ZNF385B: variants seen among roughly 807,000 people sequenced by gnomAD.
ZNF385B encodes the protein zinc finger protein 533.
ZNF385B carries 23 observed loss-of-function variants against 39.2 expected under a neutral mutation model. The ratio of observed to expected loss-of-function variants is 0.59; its 90% confidence interval spans 0.42 to 0.83. The LOEUF (loss-of-function observed/expected upper bound fraction) is 0.83. ZNF385B is among the 40% of genes least tolerant of loss of function. The pLI is 0.00. For synonymous variants in ZNF385B, 205 were observed against 222.6 expected, an observed-to-expected ratio of 0.92 and a Z score of 0.70; for missense variants, 552 against 598.9, an observed-to-expected ratio of 0.92 and a Z score of 0.82.
intron 4 of ZNF385B, among the ~76,000 whole-genome samples, chr2:179,536,880 T>A (rs1284557366): frequency 6.6e-6 from 1 of 152,174 alleles, no homozygotes; most frequent in African/African-American, 2.4e-5. Context: ...AAATAACATC[T>A]GCATACTCTA....
intron 5 of ZNF385B, among the ~76,000 whole-genome samples, chr2:179,514,747 A>G (rs1244233797): frequency 1.3e-5 from 2 of 151,168 alleles, no homozygotes; most frequent in Non-Finnish European, 2.9e-5. Flanking sequence ...TGGGAAGATG[A>G]GGAAAGGGAT....
At chr2:179,696,917 T>C (rs1698810378) in intron 3 of ZNF385B, among the ~76,000 whole-genome samples, 1 of 152,116 alleles carries the variant, frequency 6.6e-6, no homozygotes, top group Non-Finnish European at 1.5e-5. Flanking sequence ...GGGACAACAA[T>C]AGTCGAACCA....
chr2:179,442,433 T>C lies in ZNF385B; in HGVS notation c.*817A>G, dbSNP rs2049055307. The C allele has an allele frequency of 6.6e-6, 1 of 152,664 alleles. No homozygotes were observed. The highest frequency in any genetic ancestry group is 6.5e-5 in the Admixed American group (1 of 15,288). The allele number at this position is 152,664 out of a possible 1,614,324, so 9.5% of individuals were successfully genotyped here. On this transcript the variant is annotated 3_prime_UTR_variant, in exon 10 of 10. Transcript: ENST00000410066. ...ACGTTTGCTTAGCAACACAAACCAG[T>C]GAGGAAGCTACAAAATAAGTTAAAC...
intron 3 of ZNF385B, among the ~76,000 whole-genome samples, chr2:179,656,184 G>C (rs779203662): frequency 2.0e-4 from 30 of 152,046 alleles, no homozygotes; most frequent in Non-Finnish European, 3.5e-4. Flanking sequence ...ACCAGTAATT[G>C]ATGTAAAAAG....
At chr2:179,537,037 T>C (rs2059607233) in intron 4 of ZNF385B, among the ~76,000 whole-genome samples, 1 of 150,908 alleles carries the variant, frequency 6.6e-6, no homozygotes. Context: ...ACGGCCGGGA[T>C]AGGTGGCTCA....
intron 3 of ZNF385B, among the ~76,000 whole-genome samples, chr2:179,648,140 T>A (rs922947134): frequency 4.0e-5 from 6 of 151,796 alleles, no homozygotes; most frequent in African/African-American, 1.5e-4. Flanking sequence ...CAGCTTGCCA[T>A]GGGGTATTGG....
chr2:179,513,686 CAG>C (rs2057863138), intron 5 of ZNF385B, among the ~76,000 whole-genome samples: 1 of 152,174 alleles, frequency 6.6e-6, no homozygotes, highest in African/African-American at 2.4e-5. Flanking sequence ...ATCCTCCTGA[CAG>C]AGGTACTGTG....
chr2:179,484,192 C>A lies in ZNF385B; in HGVS notation c.553-758G>T, dbSNP rs541512628. 2.0e-5 allele frequency among the ~76,000 whole-genome samples: 3 copies of A among 151,848 alleles called. No individual in the cohort carries two copies. In the East Asian group the frequency reaches 5.8e-4, roughly 29 times the overall value. On this transcript the variant is annotated intron_variant, in intron 5 of 9. Coordinates refer to ENST00000410066, the MANE Select transcript of ZNF385B (RefSeq NM_152520.6). ...AACACAAAAACAAATTACAACAAGC[C>A]TTGAAAACATTTAATCAACTTACTG...
intron 4 of ZNF385B, among the ~76,000 whole-genome samples, chr2:179,521,784 C>G (rs1406279991): frequency 6.6e-6 from 1 of 152,138 alleles, no homozygotes; most frequent in Non-Finnish European, 1.5e-5. Context: ...TTTACACTTT[C>G]TTTGCTACTT....
At chr2:179,714,526 C>T (rs1700196721) in intron 3 of ZNF385B, among the ~76,000 whole-genome samples, 1 of 152,138 alleles carries the variant, frequency 6.6e-6, no homozygotes, top group Admixed American at 6.5e-5. Flanking sequence ...AATAAAAAGG[C>T]TGTGGGGTCA....
chr2:179,723,943 A>T (rs1173762079), intron 3 of ZNF385B, among the ~76,000 whole-genome samples: 1 of 152,154 alleles, frequency 6.6e-6, no homozygotes, highest in Non-Finnish European at 1.5e-5. Flanking sequence ...CTCATACATC[A>T]TATAAAAACT....
At chr2:179,647,674 G>C (rs79809677) in intron 3 of ZNF385B, among the ~76,000 whole-genome samples, 1 of 152,068 alleles carries the variant, frequency 6.6e-6, no homozygotes, top group African/African-American at 2.4e-5. Context: ...GTTCCTATAG[G>C]GTTCATAAGT....
chr2:179,712,475 C>A (rs1700067013), intron 3 of ZNF385B, among the ~76,000 whole-genome samples: 1 of 152,298 alleles, frequency 6.6e-6, no homozygotes, highest in African/African-American at 2.4e-5. Context: ...TCCTTGATAT[C>A]TCCTCTTTTC....
At chr2:179,497,662 A>C (rs1361369124) in intron 5 of ZNF385B, among the ~76,000 whole-genome samples, 1 of 152,008 alleles carries the variant, frequency 6.6e-6, no homozygotes, top group Non-Finnish European at 1.5e-5. Flanking sequence ...GAAGGAAGAG[A>C]AGACCATAAA....
At chr2:179,847,669 C>T (rs890430133) in intron 1 of ZNF385B, among the ~76,000 whole-genome samples, 7 of 152,242 alleles carry the variant, frequency 4.6e-5, no homozygotes, top group South Asian at 2.1e-4. Flanking sequence ...ACCAAAGCAA[C>T]GTTGAACCAG....
intron 1 of ZNF385B, among the ~76,000 whole-genome samples, chr2:179,802,923 C>T (rs1194153272): frequency 1.3e-5 from 2 of 152,082 alleles, no homozygotes; most frequent in East Asian, 1.9e-4. Flanking sequence ...CTTTGCCAGC[C>T]TTAGAAACTA....
intron 4 of ZNF385B, among the ~76,000 whole-genome samples, chr2:179,540,493 C>CAA (rs199749445): frequency 1.5e-4 from 22 of 151,500 alleles, no homozygotes; most frequent in South Asian, 6.3e-4. Flanking sequence ...ACAACAACAA[C>CAA]AACAAAAAAA....
At chr2:179,521,038 T>A (rs1177521642) in intron 4 of ZNF385B, among the ~76,000 whole-genome samples, 1 of 152,104 alleles carries the variant, frequency 6.6e-6, no homozygotes, top group Admixed American at 6.6e-5. Context: ...TACGAATATC[T>A]AGTTTCAAGT....
intron 1 of ZNF385B, among the ~76,000 whole-genome samples, chr2:179,797,725 C>T (rs1039467246): frequency 4.6e-5 from 7 of 152,116 alleles, no homozygotes; most frequent in Non-Finnish European, 2.9e-5. Flanking sequence ...CTTCTGAAAA[C>T]CGATAGTCAG....
Sources: gnomAD v4.1 joint callset for allele counts (sites outside exome capture counted in the v4.1 genomes callset) on GRCh38, gnomAD v4.1.1 for gene constraint, MANE v1.5 for transcripts, NCBI Gene and HGNC (gene_info 2026-07-23, HGNC 2026-07-21) for gene names.